MRPS9: variants seen among roughly 807,000 people sequenced by gnomAD.
MRPS9 encodes mitochondrial ribosomal protein S9, also known as small ribosomal subunit protein uS9m.
A neutral mutation model predicts 59.9 loss-of-function variants in MRPS9; 45 were observed. The ratio of observed to expected loss-of-function variants is 0.75; its 90% CI spans 0.59 to 0.96. The LOEUF is 0.96. MRPS9 is among the 40% of genes least tolerant of loss of function. The pLI is 0.00. For synonymous variants in MRPS9, 171 were observed against 166.8 expected (o/e 1.03, Z -0.19); for missense variants, 473 against 481.1 (o/e 0.98, Z 0.16).
At chr2:105,086,316 G>T (rs984815335) in intron 5 of MRPS9, among the ~76,000 whole-genome samples, 2 of 152,136 alleles carry the variant, frequency 1.3e-5, no homozygotes, top group African/African-American at 2.4e-5. Flanking sequence ...AATCTGACAT[G>T]TCTTTTTCAT....
chr2:105,078,978 C>G (rs886311954), intron 4 of MRPS9, among the ~76,000 whole-genome samples: 2 of 152,106 alleles, frequency 1.3e-5, no homozygotes, highest in African/African-American at 2.4e-5. Context: ...TTGTGGCCCT[C>G]CAGTGGGCCA....
chr2:105,048,193 T>G (rs1679631325), intron 1 of MRPS9, among the ~76,000 whole-genome samples: 1 of 152,044 alleles, frequency 6.6e-6, no homozygotes, highest in Non-Finnish European at 1.5e-5. Context: ...TGAGTTCATG[T>G]CCTTTGCAGG....
At position 105,089,980 on chromosome 2, in the gene MRPS9, A is replaced by G; in HGVS notation, c.636A>G (p.Lys212=). 1.2e-6 allele frequency: 2 copies of G among 1,604,866 alleles called. No individual in the cohort carries two copies. The highest frequency in any genetic ancestry group is 1.1e-5 in the South Asian group (1 of 90,368). ...KEELEEMLVE[K]LSDLDYMQFI... is the part of the protein sequence containing the mutation. ...AACTAGAAGAAATGTTAGTGGAAAA[A>G]CTGTCAGATCTAGATGTGAGTAATT... Residue 212 remains lysine (K), a synonymous_variant, in exon 7 of 11, where the codon AAA becomes AAG. Transcript: ENST00000258455.
chr2:105,086,780 T>C (rs1244948027), intron 5 of MRPS9, among the ~76,000 whole-genome samples: 1 of 152,110 alleles, frequency 6.6e-6, no homozygotes, highest in Non-Finnish European at 1.5e-5. Context: ...GATATGTAGT[T>C]GGAATGTAGT....
intron 1 of MRPS9, among the ~76,000 whole-genome samples, chr2:105,047,068 G>A (rs541732427): frequency 4.6e-5 from 7 of 152,030 alleles, no homozygotes; most frequent in South Asian, 2.1e-4. Context: ...TGCTGGTGGC[G>A]CTGGGCTGTG....
rs147854140 is a variant in MRPS9, at chr2:105,062,135, T to TAC, written c.316-9163_316-9162dup. Among the ~76,000 whole-genome samples, 700 of 151,460 alleles carry TAC rather than the reference T, an allele frequency of 4.6e-3. 8 individuals are homozygous for TAC. The highest frequency in any genetic ancestry group is 0.013 in the African/African-American group (542 of 41,410). On this transcript the variant is annotated intron_variant, in intron 2 of 10. Transcript: ENST00000258455. ...TTTTACTCCATATACACACTTCTGT[T>TAC]ACACACACACACACACTCTCTCTGT... is the stretch of plus-strand genomic sequence containing the variant.
At chr2:105,052,302 G>T (rs991593605) in intron 2 of MRPS9, among the ~76,000 whole-genome samples, 7 of 152,052 alleles carry the variant, frequency 4.6e-5, no homozygotes, top group African/African-American at 1.7e-4. Context: ...TCCATACCTA[G>T]TTTGTTGAAC....
At chr2:105,080,786 A>G (rs1680314303) in intron 5 of MRPS9, among the ~76,000 whole-genome samples, 1 of 152,212 alleles carries the variant, frequency 6.6e-6, no homozygotes, top group South Asian at 2.1e-4. Flanking sequence ...ATCTACAGTC[A>G]GATTGCAGTG....
chr2:105,049,114 C>T, intron 1 of MRPS9, 57 bp from the exon 2 acceptor site: 1 of 1,152,960 alleles, frequency 8.7e-7, no homozygotes. Flanking sequence ...AGGACAATGG[C>T]CTAGAAGATC....
chr2:105,044,980 G>A (rs1679567825), intron 1 of MRPS9, among the ~76,000 whole-genome samples: 1 of 152,082 alleles, frequency 6.6e-6, no homozygotes. Context: ...TTTGAGGATA[G>A]ACCAATGATA....
intron 1 of MRPS9, among the ~76,000 whole-genome samples, chr2:105,043,075 A>G (rs960651737): frequency 2.0e-5 from 3 of 152,038 alleles, no homozygotes; most frequent in Non-Finnish European, 2.9e-5. Flanking sequence ...ATTCCTTGCC[A>G]CCGCCATATC....
At chr2:105,080,106 A>G (rs757839249) in intron 5 of MRPS9, 44 bp downstream of exon 5, 11 of 1,379,170 alleles carry the variant, frequency 8.0e-6, no homozygotes, top group Non-Finnish European at 1.1e-5. Context: ...GCTGTAAGCT[A>G]CAAAACTAAT....
intron 2 of MRPS9, among the ~76,000 whole-genome samples, chr2:105,059,989 T>C (rs1558753958): frequency 2.7e-5 from 4 of 146,362 alleles, no homozygotes; most frequent in Non-Finnish European, 5.9e-5. Context: ...AATATAGATG[T>C]TTCTGAATCA....
At position 105,038,762 on chromosome 2, in the gene MRPS9, T is replaced by A. The variant is rs113095202; in HGVS notation, c.135+535T>A. ...GCCAGAACTTGTACGTTTCGTTTAA[T>A]CCAGGGAGAAGTGGGGAGTCAACAG... On this transcript the variant is annotated intron_variant, in intron 1 of 10. Coordinates refer to ENST00000258455, the MANE Select transcript of MRPS9 (RefSeq NM_182640.3). Among the ~76,000 whole-genome samples the A allele has an allele frequency of 8.4e-3, 1,283 of 152,306 alleles. 18 individuals carry two copies. Among genetic ancestry groups the A allele is most frequent in the African/African-American group, 0.029 (1,211 of 41,556 alleles).
chr2:105,061,426 T>C (rs1472310416), intron 2 of MRPS9, among the ~76,000 whole-genome samples: 1 of 152,056 alleles, frequency 6.6e-6, no homozygotes, highest in Non-Finnish European at 1.5e-5. Flanking sequence ...ACAGGGGTAG[T>C]ATGGGGTGAG....
At chr2:105,094,067 A>G (rs1680612420) in intron 9 of MRPS9, among the ~76,000 whole-genome samples, 1 of 152,238 alleles carries the variant, frequency 6.6e-6, no homozygotes, top group Non-Finnish European at 1.5e-5. Context: ...GAAAAGTGCA[A>G]GTAATTTCTT....
At chr2:105,052,885 A>G (rs1298522721) in intron 2 of MRPS9, among the ~76,000 whole-genome samples, 1 of 152,146 alleles carries the variant, frequency 6.6e-6, no homozygotes, top group Non-Finnish European at 1.5e-5. Flanking sequence ...GTTTACTACT[A>G]AGATGTTTTT....
chr2:105,094,758 A>ACC (rs1050681620), intron 9 of MRPS9, among the ~76,000 whole-genome samples: 4 of 152,208 alleles, frequency 2.6e-5, no homozygotes, highest in African/African-American at 9.6e-5. Flanking sequence ...AGAAACCCAT[A>ACC]CCCCAGGGTT....
intron 4 of MRPS9, among the ~76,000 whole-genome samples, chr2:105,077,557 C>G (rs990077600): frequency 1.3e-5 from 2 of 152,136 alleles, no homozygotes; most frequent in African/African-American, 4.8e-5. Flanking sequence ...CACAAACAAC[C>G]CTATTTCATG....
Sources: allele counts gnomAD v4.1 joint callset (sites outside exome capture counted in the v4.1 genomes callset), GRCh38; gene constraint gnomAD v4.1.1; transcripts MANE v1.5; gene names NCBI Gene and HGNC (gene_info 2026-07-23, HGNC 2026-07-21).